Variants in PLCE1 observed in about 807,000 individuals in gnomAD.
PLCE1 encodes the protein 1-phosphatidylinositol 4,5-bisphosphate phosphodiesterase epsilon-1.
In PLCE1, 119 loss-of-function variants were observed where a neutral mutation model predicts 242.8. That is an observed-to-expected ratio of 0.49 (90% confidence interval 0.42 to 0.57). PLCE1 has a LOEUF of 0.57. Ranked by LOEUF, PLCE1 falls within the 20% of genes least tolerant of loss-of-function variation. The pLI is 0.00. For missense variants in PLCE1, 2,441 were observed against 2,788.8 expected, an observed-to-expected ratio of 0.88 and a Z score of 2.81; for synonymous variants, 945 against 1,017.4, an observed-to-expected ratio of 0.93 and a Z score of 1.35.
chr10:94,133,280 T>C (rs1314869263), intron 3 of PLCE1, among the ~76,000 whole-genome samples: 1 of 152,164 alleles, frequency 6.6e-6, no homozygotes, highest in Non-Finnish European at 1.5e-5. Context: ...CACTGAAAGA[T>C]GAAAGCCAAT....
At chr10:94,184,687 C>A (rs1026827114) in intron 4 of PLCE1, among the ~76,000 whole-genome samples, 4 of 152,160 alleles carry the variant, frequency 2.6e-5, no homozygotes, top group Admixed American at 6.5e-5. Flanking sequence ...GCCACACAAC[C>A]TTTCATTCTG....
intron 2 of PLCE1, among the ~76,000 whole-genome samples, chr10:94,049,637 C>T (rs2043708350): frequency 6.6e-6 from 1 of 151,972 alleles, no homozygotes; most frequent in African/African-American, 2.4e-5. Flanking sequence ...TGAAGTATAA[C>T]ACATCTACAG....
chr10:94,006,638 T>G (rs765691299), intron 1 of PLCE1, among the ~76,000 whole-genome samples: 1 of 152,252 alleles, frequency 6.6e-6, no homozygotes, highest in Non-Finnish European at 1.5e-5. Context: ...TTCTTTACTT[T>G]AGTACTAAGC....
In PLCE1 at chr10:94,298,667, A is replaced by G; in HGVS notation, c.5456A>G (p.Asp1819Gly). ...IQLVALNYQT[D>G]DLPLHLNAAM... ...CTTGTGGCACTCAACTACCAGACTG[A>G]TGGTAAGGGGCCTGCATGCTCACCT... The change falls in exon 24 of 33, where the codon GAT becomes GGT. Residue 1819 changes from aspartate to glycine, a missense_variant and splice_region_variant. Asp to Gly is a moderately conservative substitution (Grantham distance 94, BLOSUM62 -1). Transcript: ENST00000371380. The surrounding 1 kb of genome is among the most constrained non-coding windows in gnomAD (Gnocchi z 5.2). 3.1e-6 allele frequency: 5 copies of G among 1,613,992 alleles called. No homozygotes were observed. Among genetic ancestry groups the G allele is most frequent in the South Asian group, 1.1e-5 (1 of 91,078 alleles).
Position 94,087,531 on chromosome 10 carries a change from G to A in PLCE1, c.1207-44643G>A, listed in dbSNP as rs12784763. ...TCACAGCTGTAACCTCAAACTCCTG[G>A]GCTCAAGTTATCCTCCTACCTCAGC... On this transcript the variant is annotated intron_variant, in intron 2 of 32. Transcript: ENST00000371380. Among the ~76,000 whole-genome samples, 859 of 151,788 alleles carry A rather than the reference G, an allele frequency of 5.7e-3. 6 individuals carry two copies. Among genetic ancestry groups the A allele is most frequent in the Non-Finnish European group, 9.1e-3 (621 of 67,944 alleles).
chr10:94,160,968 C>G (rs1196570015), intron 3 of PLCE1, among the ~76,000 whole-genome samples: 1 of 152,110 alleles, frequency 6.6e-6, no homozygotes, highest in Non-Finnish European at 1.5e-5. Flanking sequence ...TGGTCTATAT[C>G]TCTGTTTTGG....
chr10:94,132,537 T>A, intron 3 of PLCE1, 78 bp downstream of exon 3: 2 of 1,374,428 alleles, frequency 1.5e-6, no homozygotes, highest in Non-Finnish European at 2.1e-6. Flanking sequence ...ATGTATCTCC[T>A]GATGGAAAAT....
intron 4 of PLCE1, among the ~76,000 whole-genome samples, chr10:94,207,213 C>T (rs1329053380): frequency 6.6e-6 from 1 of 152,028 alleles, no homozygotes; most frequent in East Asian, 1.9e-4. Flanking sequence ...CAGGAGCGTG[C>T]CCCCAGCATG....
Position 94,252,421 on chromosome 10 carries a change from G to T in PLCE1, c.3202G>T (p.Ala1068Ser). Residue 1068 changes from alanine (A) to serine (S), a missense_variant, in exon 9 of 33, where the codon GCT becomes TCT. Ala to Ser is a moderately conservative substitution (Grantham distance 99, BLOSUM62 1). This residue lies in a region of PLCE1 where 1,004 missense variants were observed against 1,322.7 expected (regional missense o/e 0.76). Coordinates refer to ENST00000371380, the MANE Select transcript of PLCE1 (RefSeq NM_016341.4). ...NPSPGTSAKN[A>S]EKPNMQRNNT... ...CAGCCCCGGAACATCAGCAAAGAAT[G>T]CTGAGAAGCCCAATATGCAGAGAAA... 6.2e-7 allele frequency: 1 copy of T among 1,614,052 alleles called. No individual in the cohort carries two copies.
chr10:94,179,530 TGA>T (rs2048232362), intron 4 of PLCE1, among the ~76,000 whole-genome samples: 1 of 118,824 alleles, frequency 8.4e-6, no homozygotes, highest in African/African-American at 3.2e-5. Flanking sequence ...TTTTTTTTTT[TGA>T]CAGGGTCTCT....
chr10:94,087,525 C>T (rs1313136593), intron 2 of PLCE1, among the ~76,000 whole-genome samples: 1 of 151,890 alleles, frequency 6.6e-6, no homozygotes, highest in African/African-American at 2.4e-5. Flanking sequence ...TAACCTCAAA[C>T]TCCTGGGCTC....
At chr10:94,009,740 C>T (rs192092495) in intron 1 of PLCE1, among the ~76,000 whole-genome samples, 1 of 152,354 alleles carries the variant, frequency 6.6e-6, no homozygotes, top group African/African-American at 2.4e-5. Context: ...CAAAACAGGG[C>T]AGGCATTAAA....
chr10:94,074,124 G>A (rs2044434966), intron 2 of PLCE1, among the ~76,000 whole-genome samples: 1 of 151,570 alleles, frequency 6.6e-6, no homozygotes, highest in Non-Finnish European at 1.5e-5. Context: ...TGGGAAAACT[G>A]GGTCAGTTTC....
chr10:94,241,886 G>C (rs1253124896), intron 7 of PLCE1, among the ~76,000 whole-genome samples: 4 of 151,878 alleles, frequency 2.6e-5, no homozygotes, highest in Non-Finnish European at 4.4e-5. Context: ...GCAAAGAATT[G>C]GTCTTCCTAT....
chr10:94,180,207 A>G (rs1457345490), intron 4 of PLCE1, among the ~76,000 whole-genome samples: 2 of 152,120 alleles, frequency 1.3e-5, no homozygotes, highest in Non-Finnish European at 2.9e-5. Context: ...CTCTAAATGA[A>G]ACCATTTTCC....
At position 93,996,177 on chromosome 10, in the gene PLCE1, A is replaced by G. The variant is rs565170947; in HGVS notation, c.-365+1919A>G. ...ACACACCTGGCTGACAGGCGCCTAT[A>G]TAGGACAGTTGCTTTAGTCTTAATG... On this transcript the variant is annotated intron_variant, in intron 1 of 32. Transcript: ENST00000371380. Among the ~76,000 whole-genome samples the G allele has an allele frequency of 1.1e-4, 16 of 152,308 alleles. No homozygotes were observed. In the South Asian group the frequency reaches 3.3e-3, roughly 32 times the overall value.
chr10:94,175,162 A>T (rs1200310823), intron 4 of PLCE1, among the ~76,000 whole-genome samples: 1 of 152,186 alleles, frequency 6.6e-6, no homozygotes, highest in African/African-American at 2.4e-5. Flanking sequence ...CTTCTCACCC[A>T]GCTGCTTCTC....
intron 2 of PLCE1, among the ~76,000 whole-genome samples, chr10:94,087,472 G>T (rs2044875511): frequency 6.6e-6 from 1 of 151,718 alleles, no homozygotes; most frequent in Non-Finnish European, 1.5e-5. Context: ...AGAGGGTCTT[G>T]CTCTGACATC....
At chr10:94,027,926 C>T (rs1198627992) in intron 1 of PLCE1, among the ~76,000 whole-genome samples, 2 of 152,138 alleles carry the variant, frequency 1.3e-5, no homozygotes, top group East Asian at 3.8e-4. Flanking sequence ...GAAACCCAAA[C>T]CCATAGGGCT....
Sources: gnomAD v4.1 joint callset for allele counts (sites outside exome capture counted in the v4.1 genomes callset) on GRCh38, gnomAD v4.1.1 for gene constraint, gnomAD v4.1.1 regional missense constraint, Gnocchi (gnomAD v3.1) non-coding constraint, MANE v1.5 for transcripts, NCBI Gene and HGNC (gene_info 2026-07-23, HGNC 2026-07-21) for gene names.